Variants in MAST2 observed in about 807,000 individuals in gnomAD.
MAST2 encodes microtubule associated serine/threonine kinase 2.
Under a neutral mutation model 147.4 loss-of-function variants are expected in MAST2, and 70 were observed. The ratio of observed to expected loss-of-function variants is 0.47; its 90% confidence interval spans 0.39 to 0.58. MAST2 has a LOEUF of 0.58. Ranked by LOEUF, MAST2 falls within the 20% of genes least tolerant of loss-of-function variation. The pLI is 0.00. For missense variants in MAST2, 2,080 were observed against 2,302.3 expected (o/e 0.90, Z 1.98); for synonymous variants, 869 against 896.8 (o/e 0.97, Z 0.55).
At chr1:45,992,481 T>A (rs4638056) in intron 5 of MAST2, among the ~76,000 whole-genome samples, 1 of 151,876 alleles carries the variant, frequency 6.6e-6, no homozygotes, top group South Asian at 2.1e-4. Context: ...TAAGAGGTAT[T>A]GGTCTGTAGT....
intron 1 of MAST2, among the ~76,000 whole-genome samples, chr1:45,820,893 C>CTTTTTTTTTTTTTTTTTTTTTTTTTTTT (rs769508054): frequency 7.0e-5 from 3 of 43,076 alleles, no homozygotes; most frequent in Admixed American, 3.4e-4. Flanking sequence ...CTTTCTTTCT[C>CTTTTTTTTTTTTTTTTTTTTTTTTTTTT]TTTTTTTTTT....
intron 4 of MAST2, among the ~76,000 whole-genome samples, chr1:45,884,839 C>T (rs912471270): frequency 1.3e-5 from 2 of 152,166 alleles, no homozygotes; most frequent in African/African-American, 2.4e-5. Context: ...GCTCCCACTT[C>T]TGGACCTGAA....
intron 5 of MAST2, among the ~76,000 whole-genome samples, chr1:45,991,540 T>A (rs1302564283): frequency 6.6e-6 from 1 of 152,218 alleles, no homozygotes; most frequent in African/African-American, 2.4e-5. Flanking sequence ...ATTTAGATCT[T>A]TGATTTCTTT....
At position 46,021,198 on chromosome 1, in the gene MAST2, T is replaced by C. The variant is rs1270516797; in HGVS notation, c.1291-752T>C. On this transcript the variant is annotated intron_variant, in intron 11 of 28. Transcript: ENST00000361297. ...AGATAGGTACAGTTCTCCAAAACAG[T>C]GAGGCCACAGGGAATGAGAACAGAG... Among the ~76,000 whole-genome samples, 4 of 152,264 alleles carry C rather than the reference T, an allele frequency of 2.6e-5. No homozygotes were observed. The East Asian group carries it at 7.7e-4, about 29-fold the overall frequency.
intron 3 of MAST2, among the ~76,000 whole-genome samples, chr1:45,853,303 T>C (rs1468711495): frequency 1.4e-5 from 2 of 139,934 alleles, no homozygotes; most frequent in African/African-American, 5.2e-5. Context: ...GCAAATAACT[T>C]TTTTATTCTT....
chr1:45,886,808 T>G (rs1647111442), intron 4 of MAST2, among the ~76,000 whole-genome samples: 1 of 152,124 alleles, frequency 6.6e-6, no homozygotes, highest in African/African-American at 2.4e-5. Flanking sequence ...CAAATAGGAT[T>G]GTTTCTTTTG....
intron 5 of MAST2, among the ~76,000 whole-genome samples, chr1:45,969,283 A>G (rs1021247856): frequency 6.6e-6 from 1 of 152,164 alleles, no homozygotes; most frequent in Non-Finnish European, 1.5e-5. Context: ...ACTGAGTAAA[A>G]GTAGCTGTGA....
intron 3 of MAST2, among the ~76,000 whole-genome samples, chr1:45,838,515 G>A (rs970952745): frequency 2.0e-5 from 3 of 151,984 alleles, no homozygotes; most frequent in South Asian, 2.1e-4. Flanking sequence ...CAGCCAATGC[G>A]CCCAGTCAGC....
chr1:46,025,916 C>A, intron 16 of MAST2, 101 bp downstream of exon 16: 1 of 1,452,030 alleles, frequency 6.9e-7, no homozygotes, highest in Non-Finnish European at 9.5e-7. Flanking sequence ...AGATGGCTAC[C>A]GGGAAAACAT....
intron 3 of MAST2, among the ~76,000 whole-genome samples, chr1:45,874,742 A>G (rs1478658785): frequency 6.6e-6 from 1 of 152,196 alleles, no homozygotes; most frequent in Non-Finnish European, 1.5e-5. Context: ...ACTAATTCCT[A>G]CTCTCCTGGA....
intron 3 of MAST2, among the ~76,000 whole-genome samples, chr1:45,861,692 C>T (rs531225515): frequency 6.6e-6 from 1 of 151,804 alleles, no homozygotes; most frequent in Non-Finnish European, 1.5e-5. Context: ...GCTCTCAATC[C>T]CCTCCCTTCC....
intron 5 of MAST2, among the ~76,000 whole-genome samples, chr1:45,993,093 A>C (rs1196290690): frequency 2.6e-5 from 4 of 151,922 alleles, no homozygotes; most frequent in Non-Finnish European, 5.9e-5. Context: ...TTTGATCCTC[A>C]TGTGTTGTAA....
intron 1 of MAST2, among the ~76,000 whole-genome samples, chr1:45,817,532 C>T (rs1644493030): frequency 6.6e-6 from 1 of 152,066 alleles, no homozygotes; most frequent in Admixed American, 6.6e-5. Context: ...ACAGAGAAGT[C>T]GAGTAATTTC....
intron 28 of MAST2, 101 bp downstream of exon 28, chr1:46,034,367 A>C (rs1399454539): frequency 7.2e-7 from 1 of 1,394,934 alleles, no homozygotes; most frequent in East Asian, 2.5e-5. Flanking sequence ...TCTCTCATTT[A>C]GCCCACCCCC....
rs1227782052 is a variant in MAST2 at position 45,828,925 on chromosome 1, C to CA, written c.326-502dup. Among the ~76,000 whole-genome samples, 453 of 131,168 alleles carry CA rather than the reference C, an allele frequency of 3.5e-3. 1 individual carries two copies. The highest frequency in any genetic ancestry group is 4.3e-3 in the Non-Finnish European group (262 of 60,686). 86.1% of individuals were successfully genotyped at this position (131,168 alleles called of 152,430 possible). On this transcript the variant is annotated intron_variant, in intron 2 of 28. Transcript: ENST00000361297. ...GGCGACAGTGAGTGACACTCTGTCT[C>CA]AAAAAAAAAAAAGCCAAAAAACAAA...
Position 46,010,842 on chromosome 1 carries a change from A to C in MAST2, c.1091A>C (p.Glu364Ala). The C allele has an allele frequency of 6.2e-7, 1 of 1,614,186 alleles. No individual in the cohort carries two copies. The highest frequency in any genetic ancestry group is 8.5e-7 in the Non-Finnish European group (1 of 1,180,030). Residue 364 changes from glutamate to alanine, a missense_variant, in exon 10 of 29, where the codon GAG (glutamate) becomes GCG (alanine). Physicochemically the swap from Glu to Ala is moderately radical, Grantham distance 107. This residue lies in a region of MAST2 where 569 missense variants were observed against 642.5 expected (regional missense o/e 0.89). Coordinates refer to ENST00000361297, the MANE Select transcript of MAST2 (RefSeq NM_015112.3). Reference protein sequence around the residue: ...ALSFIHHQVIEMARDCLDKSR... With the variant: ...ALSFIHHQVIAMARDCLDKSR... The stretch of plus-strand genomic sequence containing the variant: ...AGCTTTATTCATCATCAGGTGATTG[A>C]GATGGCCCGAGACTGCCTGGATAAA...
At chr1:45,932,929 G>A (rs978514698) in intron 4 of MAST2, among the ~76,000 whole-genome samples, 1 of 151,850 alleles carries the variant, frequency 6.6e-6, no homozygotes. Flanking sequence ...TTTTTCTCTA[G>A]GCAGCATAGT....
chr1:46,023,844 G>A lies in MAST2; in HGVS notation c.1644G>A (p.Leu548=). The change falls in exon 15 of 29, where the codon CTG becomes CTA. Residue 548 remains leucine (L), a synonymous_variant. Transcript: ENST00000361297. This position sits in a 1 kb window ranked among gnomAD's most constrained non-coding sequence, Gnocchi z 4.9. ...TGAAGAAGATCAACAAGCAGAACCTGATCCTACGGAACCAGATCCAGCAGG... is the reference window on the plus strand; with the variant it reads ...TGAAGAAGATCAACAAGCAGAACCTAATCCTACGGAACCAGATCCAGCAGG... The part of the protein sequence containing the change: ...FAMKKINKQN[L]ILRNQIQQAF... 1.2e-6 allele frequency: 2 copies of A among 1,614,122 alleles called. No individual in the cohort carries two copies. The highest frequency in any genetic ancestry group is 1.7e-6 in the Non-Finnish European group (2 of 1,180,016).
rs1474916824 is a variant in MAST2, at chr1:45,907,252, G to T, written c.500+24857G>T. On this transcript the variant is annotated intron_variant, in intron 4 of 28. Coordinates refer to ENST00000361297, the MANE Select transcript of MAST2 (RefSeq NM_015112.3). ...TCAGAGAGCAGAAGGTCTTAATTTTGATGTTCTTTGTGAGTTTTTATAGTT... is the reference window on the plus strand; with the variant it reads ...TCAGAGAGCAGAAGGTCTTAATTTTTATGTTCTTTGTGAGTTTTTATAGTT... Among the ~76,000 whole-genome samples, 4 of 152,050 alleles carry T rather than the reference G, an allele frequency of 2.6e-5. No individual in the cohort carries two copies. The East Asian group carries it at 7.7e-4, about 29-fold the overall frequency.
Sources: allele counts gnomAD v4.1 joint callset (sites outside exome capture counted in the v4.1 genomes callset), GRCh38; gene constraint gnomAD v4.1.1; regional missense constraint gnomAD v4.1.1; non-coding constraint Gnocchi (gnomAD v3.1); transcripts MANE v1.5; gene names NCBI Gene and HGNC (gene_info 2026-07-23, HGNC 2026-07-21).